SLC25A45: variants seen among roughly 807,000 people sequenced by gnomAD.
SLC25A45 encodes methylated amino-acid transporter SLC25A45.
Under a neutral mutation model 23.0 loss-of-function variants are expected in SLC25A45, and 22 were observed. The observed-to-expected ratio is 0.95, with a 90% CI of 0.68 to 1.36. SLC25A45 has a LOEUF of 1.36. Ranked by LOEUF, SLC25A45 falls within the 40% of genes most tolerant of loss-of-function variation. The pLI, the probability that SLC25A45 is intolerant of heterozygous loss-of-function variation, is 0.00. For synonymous variants in SLC25A45, 136 were observed against 155.0 expected (o/e 0.88, Z 0.91); for missense variants, 355 against 383.5 (o/e 0.93, Z 0.62).
Position 65,382,627 on chromosome 11 carries a change from T to C in SLC25A45, c.-160A>G, listed in dbSNP as rs1004836571. ...ATTTAAAGTGCGTGTTGATCTGCAATGGCACCATTCTGCTCAGTCAAAACC... is the reference window on the plus strand; with the variant it reads ...ATTTAAAGTGCGTGTTGATCTGCAACGGCACCATTCTGCTCAGTCAAAACC... On this transcript the variant is annotated 5_prime_UTR_variant, in exon 1 of 7. Transcript: ENST00000398802. The surrounding 1 kb of genome is among the most constrained non-coding windows in gnomAD (Gnocchi z 4.4). 1 of 153,602 alleles carries C rather than the reference T, an allele frequency of 6.5e-6. No individual in the cohort carries two copies. The highest frequency in any genetic ancestry group is 1.5e-5 in the Non-Finnish European group (1 of 68,710). 9.5% of individuals were successfully genotyped at this position (153,602 alleles called of 1,614,324 possible). A position where few individuals can be genotyped will look rare whatever the true frequency, so the allele number is the denominator to read the frequency against.
chr11:65,380,708 C>T (rs1855507948), intron 2 of SLC25A45: 3 of 816,476 alleles, frequency 3.7e-6, no homozygotes, highest in African/African-American at 3.6e-5. Flanking sequence ...CTAGCCCTGC[C>T]CTCCACAGCA....
rs950509107 is a variant in SLC25A45 at position 65,382,405 on chromosome 11, G to A, written c.-19+81C>T. On this transcript the variant is annotated intron_variant, in intron 1 of 6. Transcript: ENST00000398802. The surrounding 1 kb of genome is among the most constrained non-coding windows in gnomAD (Gnocchi z 4.4). ...GAGAGAGGCCGGGTGCGGAGGTAGC[G>A]TGGCCACCAGGGGGTAGGCCCAGCC... 8 of 194,774 alleles carry A rather than the reference G, an allele frequency of 4.1e-5. No homozygotes were observed. The highest frequency in any genetic ancestry group is 2.4e-3 in the Middle Eastern group (1 of 424). The allele number at this position is 194,774 out of a possible 1,614,324, so 12.1% of individuals were successfully genotyped here. A position where few individuals can be genotyped will look rare whatever the true frequency, so the allele number is the denominator to read the frequency against.
Position 65,382,329 on chromosome 11 carries a change from G to T in SLC25A45, c.-19+157C>A, listed in dbSNP as rs1283783596. ...AGCCCCTGCCTGCCCAGCCAGCCCA[G>T]CTCCACTCCCATTCATCTCCACCAA... On this transcript the variant is annotated intron_variant, in intron 1 of 6. Transcript: ENST00000398802. The surrounding 1 kb of genome is among the most constrained non-coding windows in gnomAD (Gnocchi z 4.4). 3.5e-6 allele frequency: 1 copy of T among 286,512 alleles called. No homozygotes were observed. Among genetic ancestry groups the T allele is most frequent in the East Asian group, 7.0e-5 (1 of 14,356 alleles). 17.7% of individuals were successfully genotyped at this position (286,512 alleles called of 1,614,324 possible).
In SLC25A45 at chr11:65,379,711, C is replaced by T. The variant is rs879080177; in HGVS notation, c.154-150G>A. 26 of 1,256,294 alleles carry T rather than the reference C, an allele frequency of 2.1e-5. No homozygotes were observed. In the South Asian group the frequency reaches 2.4e-4, roughly 12 times the overall value. 77.8% of individuals were successfully genotyped at this position (1,256,294 alleles called of 1,614,324 possible). On this transcript the variant is annotated intron_variant, in intron 4 of 6. Transcript: ENST00000398802. ...AGGCAGGGATGGGCTGAGGCTGCGC[C>T]TCTGGGGTGCTAAGCTACCACCCAG...
chr11:65,380,845 G>A (rs1855515829), intron 2 of SLC25A45: 1 of 310,516 alleles, frequency 3.2e-6, no homozygotes, highest in East Asian at 9.2e-5. Flanking sequence ...AGGCCTCAGG[G>A]CCCGGGACTG....
At position 65,376,431 on chromosome 11, in the gene SLC25A45, T is replaced by C. The variant is rs1406583529; in HGVS notation, c.843A>G (p.Glu281=). ...PVNAVTFLSY[E]YLLRWWG is the part of the protein sequence containing the mutation. Reference sequence around the variant, plus strand: ...CTCATCCCCACCAGCGGAGGAGATATTCGTAGCTGAGGAAGGTGACAGCAT... The same window carrying C: ...CTCATCCCCACCAGCGGAGGAGATACTCGTAGCTGAGGAAGGTGACAGCAT... Residue 281 remains glutamate (E), a synonymous_variant, in exon 7 of 7, where the codon GAA becomes GAG. Coordinates refer to ENST00000398802, the MANE Select transcript of SLC25A45 (RefSeq NM_182556.4). 1.2e-6 allele frequency: 2 copies of C among 1,613,896 alleles called. No homozygotes were observed. The highest frequency in any genetic ancestry group is 2.7e-5 in the African/African-American group (2 of 74,930).
chr11:65,380,891 G>C, intron 2 of SLC25A45: 1 of 274,864 alleles, frequency 3.6e-6, no homozygotes, highest in South Asian at 3.1e-5. Flanking sequence ...GCCCAGAGGG[G>C]ACTCAGGACA....
At chr11:65,379,614 T>C in intron 4 of SLC25A45, 53 bp from the exon 5 acceptor site, 3 of 1,532,284 alleles carry the variant, frequency 2.0e-6, no homozygotes, top group Admixed American at 3.9e-5. Context: ...CTCCCCTTTG[T>C]CCTCTCCACC....
rs1240025112 is a variant in SLC25A45 at position 65,379,864 on chromosome 11, C to T, written c.153+3G>A. 6.2e-7 allele frequency: 1 copy of T among 1,614,068 alleles called. No individual in the cohort carries two copies. Among genetic ancestry groups the T allele is most frequent in the East Asian group, 2.2e-5 (1 of 44,896 alleles). ...AAGGACCCCAAAGGAGTGGGCCACT[C>T]ACGGACTCATGGCGGTAAATCTTGA... On this transcript the variant is annotated splice_donor_region_variant and intron_variant, in intron 4 of 6. Coordinates refer to ENST00000398802, the MANE Select transcript of SLC25A45 (RefSeq NM_182556.4).
intron 5 of SLC25A45, 57 bp downstream of exon 5, chr11:65,379,319 C>T (rs934084321): frequency 1.2e-4 from 188 of 1,584,524 alleles, no homozygotes; most frequent in Middle Eastern, 1.8e-4. Context: ...TGGGAGAGGA[C>T]AGATCGAGAT....
Position 65,382,089 on chromosome 11 carries a change from A to G in SLC25A45, c.-18-120T>C, listed in dbSNP as rs969952623. ...GAAGGTGAGAATTGGCCTGGTGCCC[A>G]GACCTCCGGCAACTGGCAGAGGAGA... On this transcript the variant is annotated intron_variant, in intron 1 of 6. Coordinates refer to ENST00000398802, the MANE Select transcript of SLC25A45 (RefSeq NM_182556.4). The surrounding 1 kb of genome is among the most constrained non-coding windows in gnomAD (Gnocchi z 4.4). 2.6e-5 allele frequency: 20 copies of G among 776,694 alleles called. No homozygotes were observed. The African/African-American group carries it at 2.7e-4, about 11-fold the overall frequency. The allele number at this position is 776,694 out of a possible 1,614,324, so 48.1% of individuals were successfully genotyped here. A position where few individuals can be genotyped will look rare whatever the true frequency, so the allele number is the denominator to read the frequency against.
chr11:65,376,768 G>A, intron 6 of SLC25A45, 50 bp downstream of exon 6: 14 of 1,614,066 alleles, frequency 8.7e-6, no homozygotes, highest in Non-Finnish European at 1.2e-5. Context: ...GCTGGACCCT[G>A]CCTGCTACCC....
intron 2 of SLC25A45, 151 bp from the exon 3 acceptor site, chr11:65,380,326 A>T (rs956973716): frequency 8.6e-7 from 1 of 1,162,256 alleles, no homozygotes; most frequent in African/African-American, 1.5e-5. Flanking sequence ...AGCTCTAGAG[A>T]CTCCAGCTGC....
chr11:65,377,465 C>G, intron 5 of SLC25A45: 1 of 995,788 alleles, frequency 1.0e-6, no homozygotes, highest in Non-Finnish European at 1.2e-6. Context: ...CAGCCTGTGA[C>G]TGTGAAATAG....
In SLC25A45 at chr11:65,377,047, G is replaced by A. The variant is rs370182084; in HGVS notation, c.369C>T (p.Ile123=). 2.2e-5 allele frequency: 35 copies of A among 1,613,932 alleles called. No homozygotes were observed. The highest frequency in any genetic ancestry group is 2.9e-5 in the Non-Finnish European group (34 of 1,179,966). ...QAYCLAPFDL[I]KVRLQNQTEP... ...CTGTCTGGTTTTGTAGCCGGACTTT[G>A]ATGAGGTCAAAAGGAGCCAGACAGT... Residue 123 remains isoleucine, a synonymous_variant, in exon 6 of 7, where the codon ATC becomes ATT. Transcript: ENST00000398802.
At chr11:65,379,747 G>A (rs1855445127) in intron 4 of SLC25A45, 120 bp downstream of exon 4, 1 of 1,386,154 alleles carries the variant, frequency 7.2e-7, no homozygotes, top group Non-Finnish European at 1.0e-6. Flanking sequence ...GCCCCCCAAG[G>A]ATCCCAGACT....
At chr11:65,376,701 G>C (rs565539765) in intron 6 of SLC25A45, 26 bp from the exon 7 acceptor site, 1 of 1,613,354 alleles carries the variant, frequency 6.2e-7, no homozygotes, top group East Asian at 2.2e-5. Context: ...CCCAGAGCAG[G>C]GGTCAGACCC....
At chr11:65,380,500 C>T (rs755913707) in intron 2 of SLC25A45, 229 of 1,373,536 alleles carry the variant, frequency 1.7e-4, no homozygotes, top group South Asian at 2.6e-4. Flanking sequence ...GCCTATGAGC[C>T]GCGGGACTCT....
Position 65,382,011 on chromosome 11 carries a change from C to T in SLC25A45, c.-18-42G>A. ...AGGAGACAGAGTTGAATTCCCCCCTCTCCCTCCCCTGGCCCACGCTGATAA... is the reference window on the plus strand; with the variant it reads ...AGGAGACAGAGTTGAATTCCCCCCTTTCCCTCCCCTGGCCCACGCTGATAA... On this transcript the variant is annotated intron_variant, in intron 1 of 6. Coordinates refer to ENST00000398802, the MANE Select transcript of SLC25A45 (RefSeq NM_182556.4). The surrounding 1 kb of genome is among the most constrained non-coding windows in gnomAD (Gnocchi z 4.4). 1 of 1,417,134 alleles carries T rather than the reference C, an allele frequency of 7.1e-7. No individual in the cohort carries two copies. Among genetic ancestry groups the T allele is most frequent in the Non-Finnish European group, 1.0e-6 (1 of 1,000,550 alleles). The allele number at this position is 1,417,134 out of a possible 1,614,324, so 87.8% of individuals were successfully genotyped here.
Sources: gnomAD v4.1 joint callset for allele counts on GRCh38, gnomAD v4.1.1 for gene constraint, Gnocchi (gnomAD v3.1) non-coding constraint, MANE v1.5 for transcripts, NCBI Gene and HGNC (gene_info 2026-07-23, HGNC 2026-07-21) for gene names.